CCDC178: variants seen among roughly 807,000 people sequenced by gnomAD.
CCDC178 encodes coiled-coil domain-containing protein 178.
In CCDC178, 126 loss-of-function variants were observed where a neutral mutation model predicts 117.4. The ratio of observed to expected loss-of-function variants is 1.07; its 90% CI spans 0.93 to 1.24. The LOEUF (loss-of-function observed/expected upper bound fraction) is 1.24. Among genes scored for constraint, CCDC178 ranks in the 50% most tolerant of loss-of-function variants. The pLI is 0.00. For synonymous variants in CCDC178, 283 were observed against 313.4 expected, an observed-to-expected ratio of 0.90 and a Z score of 1.02; for missense variants, 1,030 against 986.9, an observed-to-expected ratio of 1.04 and a Z score of -0.59.
chr18:33,108,394 T>C (rs563322167), intron 20 of CCDC178, among the ~76,000 whole-genome samples: 5 of 151,746 alleles, frequency 3.3e-5, no homozygotes, highest in African/African-American at 9.6e-5. Context: ...GATTTCAACA[T>C]TTGAGGTTAT....
At chr18:33,065,318 T>C (rs1378253498) in intron 21 of CCDC178, among the ~76,000 whole-genome samples, 6 of 152,194 alleles carry the variant, frequency 3.9e-5, no homozygotes. Flanking sequence ...TTTATCATTA[T>C]ACAACATATA....
Position 33,032,828 on chromosome 18 carries a change from A to G in CCDC178, c.2389-58147T>C, listed in dbSNP as rs908731199. Among the ~76,000 whole-genome samples the G allele has an allele frequency of 5.3e-5, 8 of 152,076 alleles. 1 individual carries two copies. Among genetic ancestry groups the G allele is most frequent in the Non-Finnish European group, 1.2e-4 (8 of 67,994 alleles). ...ATCTCTTCTCTGTTTAAAACCTTCA[A>G]TTCTTTCTTATGGCTTATGGAAGGA... On this transcript the variant is annotated intron_variant, in intron 21 of 22. Coordinates refer to ENST00000383096, the MANE Select transcript of CCDC178 (RefSeq NM_001105528.4).
chr18:33,348,877 G>A lies in CCDC178; in HGVS notation c.457+13C>T. The A allele has an allele frequency of 6.4e-7, 1 of 1,557,170 alleles. No homozygotes were observed. The highest frequency in any genetic ancestry group is 2.3e-5 in the East Asian group (1 of 44,314). ...AATATATACAGTTATTCAAGTAGGA[G>A]GAACAACTTTACCTCTCTTTTCTCC... On this transcript the variant is annotated intron_variant, in intron 8 of 22. Transcript: ENST00000383096.
At chr18:32,958,754 G>C (rs1042722558) in intron 22 of CCDC178, among the ~76,000 whole-genome samples, 5 of 152,178 alleles carry the variant, frequency 3.3e-5, no homozygotes, top group Admixed American at 6.5e-5. Flanking sequence ...GTCCCAGCCT[G>C]AGACTTTAAT....
chr18:33,031,634 G>A (rs1009293462), intron 21 of CCDC178, among the ~76,000 whole-genome samples: 1 of 151,686 alleles, frequency 6.6e-6, no homozygotes, highest in African/African-American at 2.4e-5. Context: ...TGTTCCTATG[G>A]ATTCAAGGAA....
intron 21 of CCDC178, 130 bp downstream of exon 21, chr18:33,092,631 T>C (rs941617177): frequency 1.1e-5 from 6 of 537,988 alleles, no homozygotes; most frequent in Non-Finnish European, 2.0e-5. Context: ...ACAACAAAAC[T>C]ACACAGAGAA....
chr18:33,320,924 G>A (rs571837246), intron 11 of CCDC178, among the ~76,000 whole-genome samples: 13 of 152,258 alleles, frequency 8.5e-5, no homozygotes, highest in African/African-American at 3.1e-4. Context: ...AGAGCCCTCA[G>A]AAATAATACC....
In CCDC178 at chr18:33,212,074, A is replaced by T. The variant is rs1277387275; in HGVS notation, c.2079-19T>A. 2 of 1,535,408 alleles carry T rather than the reference A, an allele frequency of 1.3e-6. No homozygotes were observed. The highest frequency in any genetic ancestry group is 8.8e-7 in the Non-Finnish European group (1 of 1,138,212). ...TTTGTTCCTGTGAAGAAAGAATTCCATGTGCCACTAATCAATTCACATTTT... is the reference window on the plus strand; with the variant it reads ...TTTGTTCCTGTGAAGAAAGAATTCCTTGTGCCACTAATCAATTCACATTTT... On this transcript the variant is annotated intron_variant, in intron 19 of 22. Coordinates refer to ENST00000383096, the MANE Select transcript of CCDC178 (RefSeq NM_001105528.4).
chr18:33,386,152 C>T (rs1192666244), intron 5 of CCDC178, among the ~76,000 whole-genome samples: 1 of 152,008 alleles, frequency 6.6e-6, no homozygotes, highest in Non-Finnish European at 1.5e-5. Context: ...GGGGGTGAAC[C>T]AGGAAGAATT....
intron 20 of CCDC178, among the ~76,000 whole-genome samples, chr18:33,173,910 G>A (rs556344369): frequency 1.3e-5 from 2 of 152,262 alleles, no homozygotes; most frequent in South Asian, 4.1e-4. Flanking sequence ...TCATGGCTAA[G>A]TAAGGAGATT....
At chr18:33,143,391 C>T (rs144387459) in intron 20 of CCDC178, among the ~76,000 whole-genome samples, 4 of 152,236 alleles carry the variant, frequency 2.6e-5, no homozygotes, top group East Asian at 3.9e-4. Context: ...CATTTGGCTA[C>T]GTGTTCTCAT....
At chr18:33,359,845 A>G (rs2144724409) in intron 6 of CCDC178, among the ~76,000 whole-genome samples, 1 of 151,476 alleles carries the variant, frequency 6.6e-6, no homozygotes, top group South Asian at 2.1e-4. Context: ...GAAACACTTC[A>G]TTTACTTACA....
In CCDC178 at chr18:32,983,950, A is replaced by G. The variant is rs188418479; in HGVS notation, c.2389-9269T>C. On this transcript the variant is annotated intron_variant, in intron 21 of 22. Coordinates refer to ENST00000383096, the MANE Select transcript of CCDC178 (RefSeq NM_001105528.4). ...AAGGCAGGAATGACAGATATAAAAA[A>G]TCCAGTTAATACTGAGCTATTTATA... Among the ~76,000 whole-genome samples the G allele has an allele frequency of 7.0e-4, 106 of 152,176 alleles. 1 individual carries two copies. In the East Asian group the frequency reaches 0.017, roughly 24 times the overall value.
intron 19 of CCDC178, among the ~76,000 whole-genome samples, chr18:33,213,854 A>G (rs1395824977): frequency 6.6e-6 from 1 of 152,014 alleles, no homozygotes; most frequent in African/African-American, 2.4e-5. Context: ...TGTCTTGTTT[A>G]TATAAGGTTT....
At chr18:33,201,389 A>G (rs1376269061) in intron 20 of CCDC178, among the ~76,000 whole-genome samples, 4 of 152,104 alleles carry the variant, frequency 2.6e-5, no homozygotes, top group Non-Finnish European at 4.4e-5. Flanking sequence ...GCCTTCACCA[A>G]TGGACTGATG....
intron 21 of CCDC178, among the ~76,000 whole-genome samples, chr18:32,998,700 C>A (rs1313609718): frequency 6.6e-6 from 1 of 152,116 alleles, no homozygotes; most frequent in Admixed American, 6.5e-5. Context: ...GACTAGCTCA[C>A]AGATGATAAT....
chr18:33,325,809 T>C (rs1340575239), intron 10 of CCDC178, among the ~76,000 whole-genome samples: 2 of 152,204 alleles, frequency 1.3e-5, no homozygotes, highest in African/African-American at 4.8e-5. Context: ...AAATTTATCC[T>C]TCTAAATTTT....
chr18:33,290,920 A>G (rs2144866409), intron 12 of CCDC178, among the ~76,000 whole-genome samples: 1 of 152,256 alleles, frequency 6.6e-6, no homozygotes, highest in East Asian at 1.9e-4. Flanking sequence ...CTGGAAACTC[A>G]CTTCACATTA....
At chr18:33,349,106 A>G (rs996522928) in intron 7 of CCDC178, 131 bp from the exon 8 acceptor site, 1 of 541,964 alleles carries the variant, frequency 1.8e-6, no homozygotes, top group Non-Finnish European at 3.2e-6. Context: ...CTTACTAGAT[A>G]GGAGACTAAT....
Sources: gnomAD v4.1 joint callset for allele counts (sites outside exome capture counted in the v4.1 genomes callset) on GRCh38, gnomAD v4.1.1 for gene constraint, MANE v1.5 for transcripts, NCBI Gene and HGNC (gene_info 2026-07-23, HGNC 2026-07-21) for gene names.